Variants in TMCO4 observed in about 807,000 individuals in gnomAD.
TMCO4 encodes the protein transmembrane and coiled-coil domain-containing protein 4.
A neutral mutation model predicts 64.7 loss-of-function variants in TMCO4; 58 were observed. The ratio of observed to expected loss-of-function variants is 0.90; its 90% CI spans 0.73 to 1.12. The LOEUF (loss-of-function observed/expected upper bound fraction) is 1.12, where lower values mean the gene tolerates loss of function less well. Ranked by LOEUF, TMCO4 falls within the 50% of genes most tolerant of loss-of-function variation. TMCO4 has a pLI of 0.00. For synonymous variants in TMCO4, 325 were observed against 346.1 expected (o/e 0.94, Z 0.68); for missense variants, 780 against 825.9 (o/e 0.94, Z 0.68).
chr1:19,734,065 T>C lies in TMCO4; in HGVS notation c.1264+3307A>G, dbSNP rs1299456177. Among the ~76,000 whole-genome samples, 3 of 152,262 alleles carry C rather than the reference T, an allele frequency of 2.0e-5. No individual in the cohort carries two copies. Among genetic ancestry groups the C allele is most frequent in the African/African-American group, 7.2e-5 (3 of 41,544 alleles). On this transcript the variant is annotated intron_variant, in intron 13 of 15. Transcript: ENST00000294543. The surrounding 1 kb of genome is among the most constrained non-coding windows in gnomAD (Gnocchi z 4.4). ...GCTGTGTGGTTACTACTACTACTAT[T>C]ATCATCATTATTATTGGAGGGAAAG... is the stretch of plus-strand genomic sequence containing the variant.
At chr1:19,775,973 T>A (rs1447148079) in intron 4 of TMCO4, among the ~76,000 whole-genome samples, 2 of 152,242 alleles carry the variant, frequency 1.3e-5, no homozygotes, top group Non-Finnish European at 2.9e-5. Context: ...TGTGGCATGA[T>A]CTCGACTCAC....
chr1:19,790,797 C>T (rs10454447), intron 2 of TMCO4, among the ~76,000 whole-genome samples: 2 of 152,214 alleles, frequency 1.3e-5, no homozygotes, highest in African/African-American at 4.8e-5. Flanking sequence ...ACCCAGCAAT[C>T]TCACTACTGG....
At chr1:19,713,986 G>C (rs1172638694) in intron 13 of TMCO4, among the ~76,000 whole-genome samples, 1 of 152,030 alleles carries the variant, frequency 6.6e-6, no homozygotes, top group East Asian at 1.9e-4. Context: ...ACCCAGACTG[G>C]AGTGCAGTGG....
intron 13 of TMCO4, among the ~76,000 whole-genome samples, chr1:19,731,129 T>C (rs1349390656): frequency 6.6e-6 from 1 of 152,046 alleles, no homozygotes; most frequent in African/African-American, 2.4e-5. Context: ...CCATTGGTAA[T>C]ACAAGGGCAA....
intron 13 of TMCO4, among the ~76,000 whole-genome samples, chr1:19,727,678 C>T (rs2095414308): frequency 6.6e-6 from 1 of 152,158 alleles, no homozygotes; most frequent in Non-Finnish European, 1.5e-5. Flanking sequence ...AAAAATAGAA[C>T]TACCATTCAA....
rs2095443261 is a variant in TMCO4 at position 19,734,290 on chromosome 1, C to G, written c.1264+3082G>C. ...GTCATGCTGGGACATCCACACTGATCTAGAGAACAGCAGGGGCATTAGAGG... is the reference window on the plus strand; with the variant it reads ...GTCATGCTGGGACATCCACACTGATGTAGAGAACAGCAGGGGCATTAGAGG... On this transcript the variant is annotated intron_variant, in intron 13 of 15. Coordinates refer to ENST00000294543, the MANE Select transcript of TMCO4 (RefSeq NM_181719.7). The surrounding 1 kb of genome is among the most constrained non-coding windows in gnomAD (Gnocchi z 4.4). 6.6e-6 allele frequency among the ~76,000 whole-genome samples: 1 copy of G among 152,106 alleles called. No individual in the cohort carries two copies. Among genetic ancestry groups the G allele is most frequent in the Admixed American group, 6.5e-5 (1 of 15,272 alleles).
intron 4 of TMCO4, among the ~76,000 whole-genome samples, chr1:19,772,620 T>C (rs1034323475): frequency 5.3e-5 from 8 of 152,084 alleles, no homozygotes; most frequent in Non-Finnish European, 8.8e-5. Context: ...TAGAAGTCGA[T>C]TATACCACTC....
At chr1:19,784,106 A>G (rs2043615720) in intron 3 of TMCO4, among the ~76,000 whole-genome samples, 2 of 152,234 alleles carry the variant, frequency 1.3e-5, no homozygotes, top group Non-Finnish European at 2.9e-5. Context: ...AGCCCAAGGT[A>G]GTATTTTACT....
Position 19,691,127 on chromosome 1 carries a change from C to T in TMCO4, c.1500+3307G>A, listed in dbSNP as rs992865418. Among the ~76,000 whole-genome samples the T allele has an allele frequency of 1.3e-4, 20 of 152,116 alleles. 1 individual carries two copies. The highest frequency in any genetic ancestry group is 2.9e-5 in the Non-Finnish European group (2 of 68,026). On this transcript the variant is annotated intron_variant, in intron 15 of 15. Transcript: ENST00000294543. ...TCGTGATCTGCCCGCCTTGGCCTCC[C>T]AAAGTGCTGGGATTACAGGCGTGAG...
In TMCO4 at chr1:19,685,830, C is replaced by T. The variant is rs557494670; in HGVS notation, c.1501-2386G>A. Among the ~76,000 whole-genome samples the T allele has an allele frequency of 2.0e-5, 3 of 151,240 alleles. No individual in the cohort carries two copies. In the East Asian group the frequency reaches 5.9e-4, roughly 30 times the overall value. ...CTAGGTTCATGCCATTCTCCTGTCT[C>T]AGCCTCCCGAGTAGCAGGGACTACA... On this transcript the variant is annotated intron_variant, in intron 15 of 15. Coordinates refer to ENST00000294543, the MANE Select transcript of TMCO4 (RefSeq NM_181719.7).
intron 13 of TMCO4, among the ~76,000 whole-genome samples, chr1:19,709,984 TTGGTCAGGC>T (rs1203641873): frequency 1.3e-5 from 2 of 152,046 alleles, no homozygotes; most frequent in Non-Finnish European, 2.9e-5. Flanking sequence ...TTTCTCCATG[TTGGTCAGGC>T]TGGTCTTGAA....
chr1:19,745,329 T>G, intron 10 of TMCO4: 1 of 739,896 alleles, frequency 1.4e-6, no homozygotes, highest in Non-Finnish European at 2.1e-6. Flanking sequence ...GACAGGTGGG[T>G]AGGTGGATAG....
At chr1:19,689,240 G>A (rs2095173175) in intron 15 of TMCO4, among the ~76,000 whole-genome samples, 1 of 152,170 alleles carries the variant, frequency 6.6e-6, no homozygotes, top group Non-Finnish European at 1.5e-5. Context: ...CAAAGGCAGT[G>A]CTAATTACCT....
intron 14 of TMCO4, among the ~76,000 whole-genome samples, chr1:19,694,973 T>C (rs2095226021): frequency 6.6e-6 from 1 of 152,142 alleles, no homozygotes; most frequent in Non-Finnish European, 1.5e-5. Flanking sequence ...CAGGGCTCCC[T>C]GGAAAAAGAA....
rs143984001 is a variant in TMCO4 at position 19,772,881 on chromosome 1, A to G, written c.180-1399T>C. ...GACCGAGACCTTGATGGGAGTTGTG[A>G]GGAACTTGGGTTTAAATCCTAGCCT... On this transcript the variant is annotated intron_variant, in intron 4 of 15. Transcript: ENST00000294543. Among the ~76,000 whole-genome samples, 54 of 152,256 alleles carry G rather than the reference A, an allele frequency of 3.5e-4. 1 individual carries two copies. The East Asian group carries it at 8.5e-3, about 24-fold the overall frequency.
chr1:19,730,714 A>G (rs2095426751), intron 13 of TMCO4, among the ~76,000 whole-genome samples: 1 of 152,226 alleles, frequency 6.6e-6, no homozygotes, highest in African/African-American at 2.4e-5. Flanking sequence ...GGAAGCTGTG[A>G]AGACAGTTAA....
chr1:19,685,636 C>T (rs1331938309), intron 15 of TMCO4, among the ~76,000 whole-genome samples: 5 of 150,962 alleles, frequency 3.3e-5, no homozygotes, highest in Admixed American at 2.0e-4. Flanking sequence ...TTGAGCCACA[C>T]GGAGGTAAAG....
intron 4 of TMCO4, among the ~76,000 whole-genome samples, chr1:19,773,447 G>A (rs896383540): frequency 6.6e-6 from 1 of 152,128 alleles, no homozygotes; most frequent in Non-Finnish European, 1.5e-5. Flanking sequence ...GGGTGAGAGG[G>A]CCAGGCCTTT....
rs144541063 is a variant in TMCO4, at chr1:19,705,803, A to G, written c.1265-4918T>C. Among the ~76,000 whole-genome samples the G allele has an allele frequency of 1.2e-3, 180 of 152,112 alleles. 4 individuals carry two copies. In the East Asian group the frequency reaches 0.026, roughly 22 times the overall value. ...TAGCTGCTGGAAAGGAAAAAAAAAA[A>G]CAGTCAAAATCCACTGTTTGGTTCA... On this transcript the variant is annotated intron_variant, in intron 13 of 15. Transcript: ENST00000294543.
Sources: gnomAD v4.1 joint callset for allele counts (sites outside exome capture counted in the v4.1 genomes callset) on GRCh38, gnomAD v4.1.1 for gene constraint, Gnocchi (gnomAD v3.1) non-coding constraint, MANE v1.5 for transcripts, NCBI Gene and HGNC (gene_info 2026-07-23, HGNC 2026-07-21) for gene names.